Variants in DDX47 observed in about 807,000 individuals in gnomAD.
DDX47 encodes DEAD-box helicase 47, also known as probable ATP-dependent RNA helicase DDX47.
Under a neutral mutation model 58.8 loss-of-function variants are expected in DDX47, and 60 were observed. That is an observed-to-expected ratio of 1.02 (90% CI 0.83 to 1.26). The LOEUF is 1.26. Among genes scored for constraint, DDX47 ranks in the 50% most tolerant of loss-of-function variants. The pLI, the probability that DDX47 is intolerant of heterozygous loss-of-function variation, is 0.00. For missense variants in DDX47, 530 were observed against 573.2 expected, an observed-to-expected ratio of 0.92 and a Z score of 0.77; for synonymous variants, 197 against 204.6, an observed-to-expected ratio of 0.96 and a Z score of 0.32.
chr12:12,814,791 C>G (rs1341652965), intron 2 of DDX47: 1 of 152,450 alleles, frequency 6.6e-6, no homozygotes, highest in Non-Finnish European at 1.5e-5. Context: ...AAGCAACTCT[C>G]CCGCCTCAGC....
At chr12:12,821,104 G>T (rs775313845) in intron 2 of DDX47, 104 bp from the exon 3 acceptor site, 13 of 1,178,300 alleles carry the variant, frequency 1.1e-5, no homozygotes, top group Non-Finnish European at 1.2e-5. Flanking sequence ...CAGTTCATCA[G>T]ATATTTATTA....
At position 12,821,270 on chromosome 12, in the gene DDX47, A is replaced by G. The variant is rs1453091799; in HGVS notation, c.244A>G (p.Ile82Val). Residue 82 changes from isoleucine (I) to valine (V), a missense_variant, in exon 3 of 12, where the codon ATT becomes GTT. Coordinates refer to ENST00000358007, the MANE Select transcript of DDX47 (RefSeq NM_016355.4). ...AAAGACAGGCGCCTTTGCTTTGCCC[A>G]TTCTAAACGCACTGCTGGAGACCCC... is the stretch of plus-strand genomic sequence containing the variant. ...SGKTGAFALP[I>V]LNALLETPQR... The G allele has an allele frequency of 6.2e-7, 1 of 1,614,248 alleles. No individual in the cohort carries two copies. Among genetic ancestry groups the G allele is most frequent in the Non-Finnish European group, 8.5e-7 (1 of 1,180,048 alleles).
chr12:12,824,185 G>A, intron 8 of DDX47, 169 bp downstream of exon 8: 1 of 847,274 alleles, frequency 1.2e-6, no homozygotes. Flanking sequence ...TCTCCTTTCA[G>A]GGTAGCGAGA....
In DDX47 at chr12:12,824,476, A is replaced by G. The variant is rs1045832799; in HGVS notation, c.898-64A>G. On this transcript the variant is annotated intron_variant, in intron 8 of 11. Coordinates refer to ENST00000358007, the MANE Select transcript of DDX47 (RefSeq NM_016355.4). ...TGTCTGTTTGTTCTCGTGTTTGTCT[A>G]TTTTGTGTTTTGTATTCCAAAACAT... 54 of 1,550,432 alleles carry G rather than the reference A, an allele frequency of 3.5e-5. No individual in the cohort carries two copies. The South Asian group carries it at 3.5e-4, about 10-fold the overall frequency.
chr12:12,814,397 C>T, intron 2 of DDX47, 173 bp downstream of exon 2: 2 of 564,194 alleles, frequency 3.5e-6, no homozygotes, highest in Non-Finnish European at 6.4e-6. Flanking sequence ...AGCTTACTTT[C>T]TGTCTTAATA....
Position 12,829,743 on chromosome 12 carries a change from G to GC in DDX47, c.*189_*190insC. On this transcript the variant is annotated 3_prime_UTR_variant, in exon 12 of 12. Coordinates refer to ENST00000358007, the MANE Select transcript of DDX47 (RefSeq NM_016355.4). ...GTAATTCTTACAGTGCTGATGTCAA[G>GC]ACTGTTACTGTTCTTCGACTTTGAT... The GC allele has an allele frequency of 1.7e-6, 1 of 572,094 alleles. No individual in the cohort carries two copies. The highest frequency in any genetic ancestry group is 2.9e-6 in the Non-Finnish European group (1 of 349,660). The allele number at this position is 572,094 out of a possible 1,614,324, so 35.4% of individuals were successfully genotyped here.
intron 5 of DDX47, among the ~76,000 whole-genome samples, chr12:12,822,334 G>C (rs577422009): frequency 5.9e-5 from 9 of 152,236 alleles, no homozygotes; most frequent in Non-Finnish European, 1.2e-4. Context: ...CATACACCCT[G>C]AAATATCTTT....
chr12:12,828,397 G>T (rs977015515), intron 11 of DDX47, among the ~76,000 whole-genome samples: 2 of 152,140 alleles, frequency 1.3e-5, no homozygotes, highest in African/African-American at 4.8e-5. Context: ...CCCCAAGATA[G>T]CTCATATGTA....
chr12:12,815,369 A>AT (rs1205151328), intron 2 of DDX47, among the ~76,000 whole-genome samples: 2 of 152,182 alleles, frequency 1.3e-5, no homozygotes, highest in Non-Finnish European at 2.9e-5. Flanking sequence ...AATAGTTACT[A>AT]TTTGTTGTAA....
At position 12,821,636 on chromosome 12, in the gene DDX47, G is replaced by A; in HGVS notation, c.371-19G>A. On this transcript the variant is annotated intron_variant, in intron 3 of 11. Coordinates refer to ENST00000358007, the MANE Select transcript of DDX47 (RefSeq NM_016355.4). ...AAAAAATTAAGGATCTCGTCTCTATGTTCTTTTTTTCTCTGTAGCTGTGAT... is the reference window on the plus strand; with the variant it reads ...AAAAAATTAAGGATCTCGTCTCTATATTCTTTTTTTCTCTGTAGCTGTGAT... 6.2e-7 allele frequency: 1 copy of A among 1,611,948 alleles called. No homozygotes were observed. The highest frequency in any genetic ancestry group is 8.5e-7 in the Non-Finnish European group (1 of 1,178,346).
At chr12:12,822,305 C>T (rs745332765) in intron 5 of DDX47, among the ~76,000 whole-genome samples, 12 of 152,128 alleles carry the variant, frequency 7.9e-5, no homozygotes, top group African/African-American at 1.4e-4. Context: ...TTTTCCCTTT[C>T]GTTTAATTTA....
rs1555096926 is a variant in DDX47 at position 12,822,014 on chromosome 12, C to T, written c.492C>T (p.Asn164=). Residue 164 remains asparagine (N), a synonymous_variant, in exon 5 of 12, where the codon AAC becomes AAT. Coordinates refer to ENST00000358007, the MANE Select transcript of DDX47 (RefSeq NM_016355.4). ...ACTTGGAAAATACGAAAGGTTTCAA[C>T]TTGAGAGCTCTCAAATACTTGGTCA... ...IDHLENTKGF[N]LRALKYLVMD... is the part of the protein sequence containing the mutation. 1.2e-6 allele frequency: 2 copies of T among 1,613,976 alleles called. No homozygotes were observed. The highest frequency in any genetic ancestry group is 1.1e-5 in the South Asian group (1 of 91,070).
intron 5 of DDX47, 65 bp from the exon 6 acceptor site, chr12:12,822,596 C>G: frequency 7.3e-7 from 1 of 1,362,412 alleles, no homozygotes; most frequent in East Asian, 2.3e-5. Context: ...CCTTCACTAC[C>G]TAGAGGATTT....
intron 2 of DDX47, 96 bp downstream of exon 2, chr12:12,814,320 G>T: frequency 1.2e-6 from 1 of 813,638 alleles, no homozygotes; most frequent in Non-Finnish European, 2.2e-6. Flanking sequence ...GTGAAATAAG[G>T]ATATGGTCAC....
In DDX47 at chr12:12,827,869, C is replaced by CTTTTTT. The variant is rs1354059622; in HGVS notation, c.1236+495_1236+500dup. Among the ~76,000 whole-genome samples the CTTTTTT allele has an allele frequency of 6.1e-3, 671 of 109,484 alleles. 41 individuals carry two copies. The highest frequency in any genetic ancestry group is 7.3e-3 in the East Asian group (28 of 3,852). 71.8% of individuals were successfully genotyped at this position (109,484 alleles called of 152,430 possible). On this transcript the variant is annotated intron_variant, in intron 11 of 11. Coordinates refer to ENST00000358007, the MANE Select transcript of DDX47 (RefSeq NM_016355.4). The stretch of plus-strand genomic sequence containing the variant: ...TCCAAAACCAAGATCCAAAACTTTT[C>CTTTTTT]TTTTTTCTTTTTTTTTTTTTTTTTG...
chr12:12,814,344 T>G, intron 2 of DDX47, 120 bp downstream of exon 2: 1 of 704,212 alleles, frequency 1.4e-6, no homozygotes, highest in Non-Finnish European at 2.6e-6. Context: ...AGGTACAAAG[T>G]TTGGGTAATG....
chr12:12,814,497 T>A, intron 2 of DDX47: 1 of 367,216 alleles, frequency 2.7e-6, no homozygotes, highest in Non-Finnish European at 5.1e-6. Flanking sequence ...CTTGGTAGAC[T>A]TTATGCATCA....
intron 2 of DDX47, 67 bp from the exon 3 acceptor site, chr12:12,821,141 G>A (rs1862963817): frequency 3.3e-6 from 5 of 1,519,720 alleles, no homozygotes; most frequent in Non-Finnish European, 4.6e-6. Flanking sequence ...CCAGCATTGT[G>A]TCATTGTAGA....
Position 12,821,395 on chromosome 12 carries a change from T to C in DDX47, c.369T>C (p.Ser123=), listed in dbSNP as rs1296379832. 3.1e-6 allele frequency: 5 copies of C among 1,613,684 alleles called. No homozygotes were observed. Among genetic ancestry groups the C allele is most frequent in the Non-Finnish European group, 4.2e-6 (5 of 1,179,950 alleles). ...EALGSSIGVQ[S]AVIVGGIDSM... Reference sequence around the variant, plus strand: ...TGGGGTCCTCTATTGGAGTGCAGAGTGGTAAGTGTCTGAGAGGGAAGGGAT... The same window carrying C: ...TGGGGTCCTCTATTGGAGTGCAGAGCGGTAAGTGTCTGAGAGGGAAGGGAT... The change falls in exon 3 of 12, where the codon AGT becomes AGC. Residue 123 remains serine (S), a splice_region_variant and synonymous_variant. Transcript: ENST00000358007.
Sources: gnomAD v4.1 joint callset for allele counts (sites outside exome capture counted in the v4.1 genomes callset) on GRCh38, gnomAD v4.1.1 for gene constraint, MANE v1.5 for transcripts, NCBI Gene and HGNC (gene_info 2026-07-23, HGNC 2026-07-21) for gene names.